The following WDR27 variants were observed in gnomAD, a reference collection of about 807,000 sequenced individuals.
WDR27 encodes the protein WD repeat-containing protein 27.
A neutral mutation model predicts 114.4 loss-of-function variants in WDR27; 100 were observed. The ratio of observed to expected loss-of-function variants is 0.87; its 90% CI spans 0.74 to 1.03. The LOEUF is 1.03. Among genes scored for constraint, WDR27 ranks in the 50% least tolerant of loss-of-function variants. The pLI is 0.00. For missense variants in WDR27, 1,129 were observed against 1,092.9 expected (o/e 1.03, Z -0.47); for synonymous variants, 449 against 423.1 (o/e 1.06, Z -0.75).
intron 24 of WDR27, among the ~76,000 whole-genome samples, chr6:169,577,282 G>A (rs1456175773): frequency 6.6e-6 from 1 of 152,110 alleles, no homozygotes; most frequent in Non-Finnish European, 1.5e-5. Flanking sequence ...GGCTGAGGGC[G>A]GGGTCCGGGC....
Position 169,643,129 on chromosome 6 carries a change from C to T in WDR27, c.1747+568G>A, listed in dbSNP as rs1819645564. ...GATATTTTGTGTTGTTTCTGTGCTT[C>T]TGTTAAAATATCTACCAAGTGTAAG... On this transcript the variant is annotated intron_variant, in intron 17 of 25. Transcript: ENST00000448612. Among the ~76,000 whole-genome samples, 3 of 152,148 alleles carry T rather than the reference C, an allele frequency of 2.0e-5. No individual in the cohort carries two copies. The South Asian group carries it at 6.2e-4, about 31-fold the overall frequency.
At chr6:169,556,067 A>G (rs1798840050) in intron 25 of WDR27, among the ~76,000 whole-genome samples, 2 of 152,162 alleles carry the variant, frequency 1.3e-5, no homozygotes, top group Non-Finnish European at 2.9e-5. Flanking sequence ...ATGTGTGATG[A>G]ACCAAGGCAT....
chr6:169,597,316 A>G (rs923698988), intron 23 of WDR27, among the ~76,000 whole-genome samples: 1 of 151,966 alleles, frequency 6.6e-6, no homozygotes, highest in African/African-American at 2.4e-5. Context: ...TGGGTCACCC[A>G]TAGTATTGTT....
intron 13 of WDR27, among the ~76,000 whole-genome samples, chr6:169,652,419 T>C (rs143773054): frequency 0.042 from 6,361 of 152,330 alleles, 149 homozygotes; most frequent in Middle Eastern, 0.075. Context: ...TGGCTAATTT[T>C]TGTATTTTTA....
At chr6:169,662,945 C>T (rs1235317212) in intron 8 of WDR27, among the ~76,000 whole-genome samples, 5 of 123,420 alleles carry the variant, frequency 4.1e-5, no homozygotes, top group Non-Finnish European at 5.2e-5. Flanking sequence ...TCAGATCACG[C>T]GTCAAGGAAA....
At chr6:169,648,882 C>T (rs1274347310) in intron 15 of WDR27, among the ~76,000 whole-genome samples, 1 of 152,232 alleles carries the variant, frequency 6.6e-6, no homozygotes. Flanking sequence ...TACAACGGCC[C>T]CAACATTTTC....
At chr6:169,692,330 AATT>A (rs1170442038) in intron 1 of WDR27, among the ~76,000 whole-genome samples, 1 of 152,184 alleles carries the variant, frequency 6.6e-6, no homozygotes, top group Non-Finnish European at 1.5e-5. Context: ...CTTCCAACTG[AATT>A]ATGTGATAAT....
intron 24 of WDR27, among the ~76,000 whole-genome samples, chr6:169,576,542 C>T (rs991450624): frequency 1.3e-5 from 2 of 152,144 alleles, no homozygotes; most frequent in Admixed American, 6.5e-5. Flanking sequence ...GGGAGGATTG[C>T]TTGAGGGCAG....
intron 25 of WDR27, among the ~76,000 whole-genome samples, chr6:169,570,022 G>C (rs1801115719): frequency 6.6e-6 from 1 of 152,150 alleles, no homozygotes; most frequent in Non-Finnish European, 1.5e-5. Context: ...CTTCCATGCT[G>C]CTAGGAAGAA....
intron 25 of WDR27, among the ~76,000 whole-genome samples, chr6:169,510,917 C>CA (rs1041573267): frequency 1.8e-4 from 27 of 151,642 alleles, no homozygotes; most frequent in African/African-American, 3.1e-4. Flanking sequence ...GATTACAAGG[C>CA]AAAAAAAATA....
chr6:169,601,846 C>G (rs147158063), intron 23 of WDR27, among the ~76,000 whole-genome samples: 1 of 152,206 alleles, frequency 6.6e-6, no homozygotes, highest in African/African-American at 2.4e-5. Context: ...AAGGATCTAA[C>G]TTAGGAAAGG....
chr6:169,688,037 A>G (rs933867752), intron 2 of WDR27, among the ~76,000 whole-genome samples: 4 of 152,218 alleles, frequency 2.6e-5, no homozygotes, highest in African/African-American at 9.6e-5. Context: ...GTCTACTTAC[A>G]TAAGTAGAAT....
chr6:169,568,665 C>T (rs1249525053), intron 25 of WDR27, among the ~76,000 whole-genome samples: 1 of 152,156 alleles, frequency 6.6e-6, no homozygotes, highest in Non-Finnish European at 1.5e-5. Flanking sequence ...ACAGGGAAGA[C>T]CCAACTTTCC....
intron 22 of WDR27, among the ~76,000 whole-genome samples, chr6:169,602,800 C>T (rs1808280334): frequency 6.6e-6 from 1 of 151,652 alleles, no homozygotes; most frequent in Non-Finnish European, 1.5e-5. Flanking sequence ...TAATCATGTC[C>T]TATGTAGTAT....
At chr6:169,674,524 T>C (rs1040955235) in intron 2 of WDR27, among the ~76,000 whole-genome samples, 4 of 152,070 alleles carry the variant, frequency 2.6e-5, no homozygotes, top group East Asian at 1.9e-4. Context: ...ATAGAAGCTA[T>C]ATAAAAATGA....
intron 13 of WDR27, among the ~76,000 whole-genome samples, chr6:169,656,742 G>A (rs932417069): frequency 6.6e-6 from 1 of 152,218 alleles, no homozygotes; most frequent in African/African-American, 2.4e-5. Context: ...CAGCAGCCCA[G>A]GGGCATTCTC....
intron 21 of WDR27, among the ~76,000 whole-genome samples, chr6:169,632,435 C>T (rs1045592380): frequency 6.6e-6 from 1 of 152,178 alleles, no homozygotes; most frequent in African/African-American, 2.4e-5. Context: ...CTCTTGGGTA[C>T]CAAGTGTCTT....
chr6:169,555,076 C>G (rs1376381587), intron 25 of WDR27, among the ~76,000 whole-genome samples: 1 of 152,126 alleles, frequency 6.6e-6, no homozygotes, highest in Non-Finnish European at 1.5e-5. Context: ...GGCTGACTAA[C>G]AAGAATAAAA....
chr6:169,452,381 A>T (rs951272922), downstream of WDR27, among the ~76,000 whole-genome samples: 2 of 152,256 alleles, frequency 1.3e-5, no homozygotes, highest in Non-Finnish European at 2.9e-5. Context: ...GCTGTAGATT[A>T]CTGACACGCG....
Sources: allele counts gnomAD v4.1 joint callset (sites outside exome capture counted in the v4.1 genomes callset), GRCh38; gene constraint gnomAD v4.1.1; transcripts MANE v1.5; gene names NCBI Gene and HGNC (gene_info 2026-07-23, HGNC 2026-07-21).